The following FHIT variants were observed in gnomAD, a reference collection of about 807,000 sequenced individuals.
FHIT encodes the protein fragile histidine triad diadenosine triphosphatase.
FHIT carries 19 observed loss-of-function variants against 17.9 expected under a neutral mutation model. The observed-to-expected ratio is 1.06, with a 90% CI of 0.74 to 1.56. The LOEUF (loss-of-function observed/expected upper bound fraction) is 1.56. FHIT is among the 40% of genes most tolerant of loss of function. FHIT has a pLI of 0.00. For missense variants in FHIT, 248 were observed against 189.2 expected (o/e 1.31, Z -1.82); for synonymous variants, 81 against 69.7 (o/e 1.16, Z -0.81).
intron 3 of FHIT, among the ~76,000 whole-genome samples, chr3:60,880,127 A>T (rs2107121442): frequency 6.6e-6 from 1 of 152,304 alleles, no homozygotes; most frequent in South Asian, 2.1e-4. Flanking sequence ...AAAAACAACA[A>T]GAGAAATGTG....
At chr3:60,131,473 G>A (rs918504453) in intron 5 of FHIT, among the ~76,000 whole-genome samples, 4 of 152,004 alleles carry the variant, frequency 2.6e-5, no homozygotes, top group Non-Finnish European at 5.9e-5. Flanking sequence ...ACACTTTCAA[G>A]TAACGTAAGC....
At chr3:59,930,015 G>C (rs895209415) in intron 7 of FHIT, among the ~76,000 whole-genome samples, 3 of 152,158 alleles carry the variant, frequency 2.0e-5, no homozygotes, top group African/African-American at 7.2e-5. Flanking sequence ...GTGATCAAGT[G>C]AGTTATTATT....
chr3:60,686,804 A>C (rs2040871455), intron 4 of FHIT, among the ~76,000 whole-genome samples: 1 of 152,156 alleles, frequency 6.6e-6, no homozygotes, highest in South Asian at 2.1e-4. Context: ...AGCTTCCTAC[A>C]GGAGTTTCAG....
At chr3:60,300,565 A>G (rs1226157319) in intron 5 of FHIT, among the ~76,000 whole-genome samples, 1 of 152,050 alleles carries the variant, frequency 6.6e-6, no homozygotes, top group Non-Finnish European at 1.5e-5. Flanking sequence ...GTGCCCTTCC[A>G]CAGTTGTGGT....
chr3:59,872,127 A>C (rs1702953030), intron 8 of FHIT, among the ~76,000 whole-genome samples: 1 of 152,196 alleles, frequency 6.6e-6, no homozygotes, highest in African/African-American at 2.4e-5. Flanking sequence ...TTATGCAGGC[A>C]TTCCTTCATG....
intron 1 of FHIT, among the ~76,000 whole-genome samples, chr3:61,209,915 GCT>G (rs1196305237): frequency 6.6e-6 from 1 of 152,182 alleles, no homozygotes; most frequent in Admixed American, 6.5e-5. Flanking sequence ...CAGTTTTTCT[GCT>G]CTGTTTTTTC....
rs142824158 is a variant in FHIT at position 60,832,184 on chromosome 3, T to C, written c.-110-10173A>G. 1.9e-3 allele frequency among the ~76,000 whole-genome samples: 285 copies of C among 152,212 alleles called. 3 individuals carry two copies. The highest frequency in any genetic ancestry group is 6.7e-3 in the African/African-American group (280 of 41,526). On this transcript the variant is annotated intron_variant, in intron 3 of 9. Coordinates refer to ENST00000492590, the MANE Select transcript of FHIT (RefSeq NM_002012.4). The stretch of plus-strand genomic sequence containing the variant: ...ATCTTCACAATGACCTTAAAAGTAC[T>C]ATTATTTTGTACTTTTTATCTAATT...
intron 8 of FHIT, among the ~76,000 whole-genome samples, chr3:59,798,228 G>A (rs548818884): frequency 6.6e-6 from 1 of 152,306 alleles, no homozygotes; most frequent in African/African-American, 2.4e-5. Context: ...AGAAGGGGTT[G>A]CACCTACGCC....
Position 59,747,408 on chromosome 3 carries a change from T to TATCA in FHIT, c.*2173_*2176dup, listed in dbSNP as rs1378121619. 6.6e-5 allele frequency among the ~76,000 whole-genome samples: 10 copies of TATCA among 152,098 alleles called. No homozygotes were observed. Among genetic ancestry groups the TATCA allele is most frequent in the Non-Finnish European group, 7.4e-5 (5 of 68,002 alleles). ...GAAATGTCCTTTATAAAACCATCAC[T>TATCA]ATCAATCATGAGAACAGCATGGGAA... On this transcript the variant is annotated 3_prime_UTR_variant, in exon 10 of 10. Coordinates refer to ENST00000492590, the MANE Select transcript of FHIT (RefSeq NM_002012.4).
intron 3 of FHIT, among the ~76,000 whole-genome samples, chr3:60,992,879 T>C (rs1052892891): frequency 2.0e-5 from 3 of 152,170 alleles, no homozygotes; most frequent in African/African-American, 4.8e-5. Context: ...ATTTAGAAAG[T>C]ACTTTCTGGC....
At chr3:60,489,239 T>A (rs2033966038) in intron 5 of FHIT, among the ~76,000 whole-genome samples, 1 of 152,188 alleles carries the variant, frequency 6.6e-6, no homozygotes, top group Admixed American at 6.6e-5. Context: ...TGGAAATTTT[T>A]AAAAATCCAG....
At chr3:59,889,616 G>T (rs1004000358) in intron 8 of FHIT, among the ~76,000 whole-genome samples, 1 of 152,172 alleles carries the variant, frequency 6.6e-6, no homozygotes, top group African/African-American at 2.4e-5. Context: ...GCTCAAGTAG[G>T]AGAAGACACT....
chr3:60,324,014 T>A (rs1455553386), intron 5 of FHIT, among the ~76,000 whole-genome samples: 1 of 152,140 alleles, frequency 6.6e-6, no homozygotes, highest in Admixed American at 6.5e-5. Flanking sequence ...CTTTGAGGTC[T>A]AGAATCCTTT....
Position 60,746,841 on chromosome 3 carries a change from A to C in FHIT, c.-18+75078T>G, listed in dbSNP as rs576855776. ...ATGGCTCTCCGTTTTAGTATATAAG[A>C]AATACAAGTAAAAGAGTTCAGCTAT... On this transcript the variant is annotated intron_variant, in intron 4 of 9. Transcript: ENST00000492590. 2.0e-5 allele frequency among the ~76,000 whole-genome samples: 3 copies of C among 152,298 alleles called. No individual in the cohort carries two copies. In the East Asian group the frequency reaches 5.8e-4, roughly 29 times the overall value.
At position 59,922,341 on chromosome 3, in the gene FHIT, C is replaced by A; in HGVS notation, c.348+5G>T. 6.2e-7 allele frequency: 1 copy of A among 1,612,258 alleles called. No individual in the cohort carries two copies. The highest frequency in any genetic ancestry group is 8.5e-7 in the Non-Finnish European group (1 of 1,178,404). ...AAACAATAAGATCAGAGAGAACAGA[C>A]CCACCTCCTCATAGATGCTGTCATT... is the stretch of plus-strand genomic sequence containing the variant. On this transcript the variant is annotated splice_donor_5th_base_variant and intron_variant, in intron 8 of 9. Transcript: ENST00000492590.
chr3:60,112,999 A>T (rs1195304745), intron 5 of FHIT, among the ~76,000 whole-genome samples: 1 of 152,130 alleles, frequency 6.6e-6, no homozygotes, highest in Non-Finnish European at 1.5e-5. Context: ...TGTCAACCAC[A>T]GTGTAGTCTA....
chr3:60,040,303 G>A (rs1301055597), intron 5 of FHIT, among the ~76,000 whole-genome samples: 2 of 151,986 alleles, frequency 1.3e-5, no homozygotes, highest in Admixed American at 6.6e-5. Context: ...GTACCACCAT[G>A]CCCAGCTAAT....
rs1156425546 is a variant in FHIT, at chr3:60,744,251, A to AAAAAC, written c.-18+77667_-18+77668insGTTTT. On this transcript the variant is annotated intron_variant, in intron 4 of 9. Transcript: ENST00000492590. Reference sequence around the variant, plus strand: ...TTTGCAAATTGGAAGTAATGTAAAAAAAAAAACAAAACAAAACAAAAAAAA... The same window carrying AAAAAC: ...TTTGCAAATTGGAAGTAATGTAAAAAAAAACAAAAAACAAAACAAAACAAAAAAAA... 4.7e-4 allele frequency among the ~76,000 whole-genome samples: 32 copies of AAAAAC among 67,648 alleles called. 1 individual carries two copies. The highest frequency in any genetic ancestry group is 2.6e-3 in the African/African-American group (31 of 11,712). 44.4% of individuals were successfully genotyped at this position (67,648 alleles called of 152,430 possible). A position where few individuals can be genotyped will look rare whatever the true frequency, so the allele number is the denominator to read the frequency against.
chr3:60,002,248 T>G (rs1281256850), intron 7 of FHIT, among the ~76,000 whole-genome samples: 1 of 152,174 alleles, frequency 6.6e-6, no homozygotes, highest in Admixed American at 6.6e-5. Flanking sequence ...ATTATCTTTA[T>G]GTTGAATAAG....
Sources: gnomAD v4.1 joint callset for allele counts (sites outside exome capture counted in the v4.1 genomes callset) on GRCh38, gnomAD v4.1.1 for gene constraint, MANE v1.5 for transcripts, NCBI Gene and HGNC (gene_info 2026-07-23, HGNC 2026-07-21) for gene names.